PCDHGA1: variants seen among roughly 807,000 people sequenced by gnomAD.
PCDHGA1 encodes the protein protocadherin gamma subfamily A, 1, also known as protocadherin gamma-A1.
Under a neutral mutation model 58.0 loss-of-function variants are expected in PCDHGA1, and 32 were observed. The observed-to-expected ratio is 0.55, with a 90% CI of 0.42 to 0.74. The LOEUF is 0.74. PCDHGA1 is among the 30% of genes least tolerant of loss of function. PCDHGA1 has a pLI of 0.00. For missense variants in PCDHGA1, 1,205 were observed against 1,182.3 expected (o/e 1.02, Z -0.28); for synonymous variants, 498 against 501.1 (o/e 0.99, Z 0.08).
At chr5:141,460,780 A>G (rs1387522399) in intron 1 of PCDHGA1, among the ~76,000 whole-genome samples, 3 of 152,042 alleles carry the variant, frequency 2.0e-5, no homozygotes, top group Non-Finnish European at 4.4e-5. Context: ...GTATGTATAC[A>G]TATATACACA....
chr5:141,415,740 G>GTTTTTTTTTTTTTTTTTTTT (rs57426385), intron 1 of PCDHGA1: 5 of 625,024 alleles, frequency 8.0e-6, no homozygotes, highest in African/African-American at 5.0e-5. Flanking sequence ...GTTTATTAAG[G>GTTTTTTTTTTTTTTTTTTTT]TTTTTTTTTT....
Position 141,364,575 on chromosome 5 carries a change from G to A in PCDHGA1, c.2421+31470G>A, listed in dbSNP as rs372313739. On this transcript the variant is annotated intron_variant, in intron 1 of 3. Coordinates refer to ENST00000517417, the MANE Select transcript of PCDHGA1 (RefSeq NM_018912.3). ...CTTTTTGCCCTGAACCCGCGAAGCG[G>A]CAGCTTGGTCACCGCGGGCAGGATA... is the stretch of plus-strand genomic sequence containing the variant. 1.7e-5 allele frequency: 27 copies of A among 1,614,070 alleles called. No individual in the cohort carries two copies. The Middle Eastern group carries it at 4.9e-4, about 29-fold the overall frequency.
At chr5:141,357,138 C>T (rs999487031) in intron 1 of PCDHGA1, 4 of 1,613,416 alleles carry the variant, frequency 2.5e-6, no homozygotes, top group Admixed American at 3.3e-5. Flanking sequence ...TAGTGGTCGT[C>T]CAGGACCATG....
chr5:141,344,141 T>G (rs1313821730), intron 1 of PCDHGA1: 2 of 1,614,024 alleles, frequency 1.2e-6, no homozygotes, highest in Non-Finnish European at 1.7e-6. Context: ...ACTCGGTGTC[T>G]GAGGAGCTAG....
intron 1 of PCDHGA1, chr5:141,404,513 G>A: frequency 1.2e-6 from 2 of 1,613,786 alleles, no homozygotes; most frequent in Non-Finnish European, 1.7e-6. Context: ...GTGCTCCTTT[G>A]ACTATGAGCA....
At chr5:141,418,566 A>G (rs2096269931) in intron 1 of PCDHGA1, 2 of 1,614,054 alleles carry the variant, frequency 1.2e-6, no homozygotes, top group South Asian at 1.1e-5. Context: ...ATAGATGCCA[A>G]TGACAACCCC....
intron 1 of PCDHGA1, among the ~76,000 whole-genome samples, chr5:141,349,440 C>T (rs1758293813): frequency 1.3e-5 from 2 of 152,124 alleles, no homozygotes; most frequent in African/African-American, 2.4e-5. Context: ...TGAGATTCCA[C>T]TTCATAAAAG....
At chr5:141,433,358 C>CCTGCCTAT (rs1554125966) in intron 1 of PCDHGA1, 1 of 498,106 alleles carries the variant, frequency 2.0e-6, no homozygotes, top group Non-Finnish European at 3.5e-6. Flanking sequence ...CTACTGTCTG[C>CCTGCCTAT]CTATCTATCT....
intron 1 of PCDHGA1, among the ~76,000 whole-genome samples, chr5:141,482,530 C>CAAAAAAAAA (rs3074545): frequency 5.2e-4 from 40 of 76,506 alleles, no homozygotes; most frequent in African/African-American, 1.4e-3. Context: ...GACAGACATG[C>CAAAAAAAAA]AAAAAAAAAA....
chr5:141,350,490 A>G, intron 1 of PCDHGA1: 2 of 1,614,006 alleles, frequency 1.2e-6, no homozygotes, highest in Non-Finnish European at 1.7e-6. Context: ...GTTAGTTTGG[A>G]GAGCGGGGAT....
At chr5:141,339,248 G>C in intron 1 of PCDHGA1, 6 of 1,614,276 alleles carry the variant, frequency 3.7e-6, no homozygotes, top group Non-Finnish European at 5.1e-6. Context: ...GATAGACCGG[G>C]AGGAGCTCTG....
At chr5:141,501,510 T>A (rs11744379) in intron 2 of PCDHGA1, among the ~76,000 whole-genome samples, 1 of 151,824 alleles carries the variant, frequency 6.6e-6, no homozygotes, top group African/African-American at 2.4e-5. Flanking sequence ...CTCCAAGGCC[T>A]CCAAGCTGAA....
At chr5:141,500,840 C>G (rs1394248251) in intron 2 of PCDHGA1, among the ~76,000 whole-genome samples, 1 of 151,966 alleles carries the variant, frequency 6.6e-6, no homozygotes, top group Non-Finnish European at 1.5e-5. Context: ...TGCTAATGGG[C>G]TTTTGCTACA....
chr5:141,395,400 G>C, intron 1 of PCDHGA1: 1 of 859,976 alleles, frequency 1.2e-6, no homozygotes, highest in Non-Finnish European at 1.7e-6. Context: ...AACTCTAATA[G>C]TCATAGGTTA....
intron 1 of PCDHGA1, chr5:141,417,942 C>T (rs1324501154): frequency 2.5e-6 from 4 of 1,613,090 alleles, no homozygotes; most frequent in South Asian, 1.1e-5. Context: ...TTCTACCCCA[C>T]GCTGTGTGAG....
At position 141,477,965 on chromosome 5, in the gene PCDHGA1, A is replaced by G. The variant is rs1415974296; in HGVS notation, c.2422-16842A>G. On this transcript the variant is annotated intron_variant, in intron 1 of 3. Coordinates refer to ENST00000517417, the MANE Select transcript of PCDHGA1 (RefSeq NM_018912.3). This position sits in a 1 kb window ranked among gnomAD's most constrained non-coding sequence, Gnocchi z 4.9. ...CAGTCTCTTGGGATCCCCTAACCAGAGCCTTTTTGCCATAGGGCTGCACAC... is the reference window on the plus strand; with the variant it reads ...CAGTCTCTTGGGATCCCCTAACCAGGGCCTTTTTGCCATAGGGCTGCACAC... 4 of 1,614,030 alleles carry G rather than the reference A, an allele frequency of 2.5e-6. No individual in the cohort carries two copies. In the Middle Eastern group the frequency reaches 4.9e-4, roughly 200 times the overall value.
intron 1 of PCDHGA1, chr5:141,389,589 G>C (rs780685929): frequency 8.1e-6 from 13 of 1,613,168 alleles, no homozygotes; most frequent in Non-Finnish European, 1.1e-5. Context: ...GGGTCCCGAC[G>C]GCTCTGCGCT....
At chr5:141,402,456 C>T (rs1052745008) in intron 1 of PCDHGA1, among the ~76,000 whole-genome samples, 1 of 152,050 alleles carries the variant, frequency 6.6e-6, no homozygotes, top group African/African-American at 2.4e-5. Flanking sequence ...TAATAGTTTA[C>T]ATATCTAGAA....
At chr5:141,407,898 A>G in intron 1 of PCDHGA1, 1 of 407,470 alleles carries the variant, frequency 2.5e-6, no homozygotes, top group Non-Finnish European at 4.3e-6. Context: ...CGAATTCAAA[A>G]TGAAAAACCG....
Sources: allele counts gnomAD v4.1 joint callset (sites outside exome capture counted in the v4.1 genomes callset), GRCh38; gene constraint gnomAD v4.1.1; non-coding constraint Gnocchi (gnomAD v3.1); transcripts MANE v1.5; gene names NCBI Gene and HGNC (gene_info 2026-07-23, HGNC 2026-07-21).